DZIP1L: variants seen among roughly 807,000 people sequenced by gnomAD.
The protein encoded by DZIP1L is cilium assembly protein DZIP1L.
Under a neutral mutation model 88.7 loss-of-function variants are expected in DZIP1L, and 90 were observed. The observed-to-expected ratio is 1.02, with a 90% CI of 0.86 to 1.21. The LOEUF (loss-of-function observed/expected upper bound fraction) is 1.21, where lower values mean the gene tolerates loss of function less well. DZIP1L is among the 50% of genes most tolerant of loss of function. DZIP1L has a pLI of 0.00. For synonymous variants in DZIP1L, 363 were observed against 372.1 expected, an observed-to-expected ratio of 0.98 and a Z score of 0.28; for missense variants, 932 against 955.8, an observed-to-expected ratio of 0.98 and a Z score of 0.33.
intron 1 of DZIP1L, among the ~76,000 whole-genome samples, chr3:138,112,977 T>C (rs1418571482): frequency 6.6e-6 from 1 of 152,218 alleles, no homozygotes; most frequent in Non-Finnish European, 1.5e-5. Context: ...AATGACTCAC[T>C]GTCATTAGGA....
intron 5 of DZIP1L, among the ~76,000 whole-genome samples, chr3:138,090,439 G>A (rs1444627567): frequency 6.6e-6 from 1 of 152,212 alleles, no homozygotes; most frequent in Non-Finnish European, 1.5e-5. Flanking sequence ...TGGGAAGGAT[G>A]GGTGTGGAGC....
chr3:138,102,214 G>A (rs555388920), intron 2 of DZIP1L: 5 of 1,388,476 alleles, frequency 3.6e-6, no homozygotes, highest in Non-Finnish European at 5.1e-6. Context: ...TGGGACTGCA[G>A]CTCCCGGATC....
At chr3:138,098,353 T>A (rs557576469) in intron 2 of DZIP1L, among the ~76,000 whole-genome samples, 1 of 152,192 alleles carries the variant, frequency 6.6e-6, no homozygotes, top group Non-Finnish European at 1.5e-5. Flanking sequence ...AAATTTTCCA[T>A]AATAAAAAGT....
rs551242894 is a variant in DZIP1L at position 138,063,376 on chromosome 3, G to A, written c.2143-399C>T. On this transcript the variant is annotated intron_variant, in intron 15 of 15. Coordinates refer to ENST00000327532, the MANE Select transcript of DZIP1L (RefSeq NM_173543.3). This position sits in a 1 kb window ranked among gnomAD's most constrained non-coding sequence, Gnocchi z 4.1. Reference sequence around the variant, plus strand: ...TGAATGCACTGTGGGCTAATGACCCGCCTCCTCTCAGACAGGTTCCCTCAG... The same window carrying A: ...TGAATGCACTGTGGGCTAATGACCCACCTCCTCTCAGACAGGTTCCCTCAG... Among the ~76,000 whole-genome samples, 2 of 152,252 alleles carry A rather than the reference G, an allele frequency of 1.3e-5. No homozygotes were observed. Among genetic ancestry groups the A allele is most frequent in the South Asian group, 2.1e-4 (1 of 4,818 alleles).
At chr3:138,112,563 A>C (rs1424919334) in intron 1 of DZIP1L, 1 of 152,110 alleles carries the variant, frequency 6.6e-6, no homozygotes, top group Non-Finnish European at 1.5e-5. Context: ...GAAACCATAC[A>C]CCCCAGGGGC....
intron 8 of DZIP1L, among the ~76,000 whole-genome samples, chr3:138,083,904 G>T (rs371246613): frequency 6.6e-6 from 1 of 152,300 alleles, no homozygotes; most frequent in South Asian, 2.1e-4. Flanking sequence ...TCTGCCAGCA[G>T]CCCCTAAGGA....
intron 14 of DZIP1L, among the ~76,000 whole-genome samples, chr3:138,065,259 A>G (rs1942844256): frequency 1.3e-5 from 2 of 152,296 alleles, no homozygotes; most frequent in South Asian, 4.1e-4. Context: ...CTGGCACACC[A>G]AGGTAATGTA....
In DZIP1L at chr3:138,103,515, G is replaced by A; in HGVS notation, c.457C>T (p.Leu153=). The change falls in exon 2 of 16, where the codon CTG becomes TTG. Residue 153 remains leucine, a synonymous_variant. Coordinates refer to ENST00000327532, the MANE Select transcript of DZIP1L (RefSeq NM_173543.3). ...CCTGTCTGCATTAGCAGCTGCTGCA[G>A]GGTGCTGATCATCTTGCGACGCCGG... The part of the protein sequence containing the change: ...SRRRRKMIST[L]QQLLMQTGTH... 1.2e-6 allele frequency: 2 copies of A among 1,610,680 alleles called. No individual in the cohort carries two copies. Among genetic ancestry groups the A allele is most frequent in the Non-Finnish European group, 1.7e-6 (2 of 1,178,696 alleles).
chr3:138,092,723 C>T (rs540722570), intron 4 of DZIP1L, among the ~76,000 whole-genome samples, 179 bp from the exon 5 acceptor site: 4 of 152,350 alleles, frequency 2.6e-5, no homozygotes, highest in African/African-American at 9.6e-5. Flanking sequence ...AAGTCTGCTA[C>T]TTCTAAGCAT....
At chr3:138,084,502 A>G (rs1943832415) in intron 7 of DZIP1L, among the ~76,000 whole-genome samples, 1 of 152,256 alleles carries the variant, frequency 6.6e-6, no homozygotes, top group African/African-American at 2.4e-5. Context: ...ATTGAAGAAC[A>G]GTCAGATAAA....
intron 13 of DZIP1L, among the ~76,000 whole-genome samples, 179 bp downstream of exon 13, chr3:138,067,972 G>A (rs1942989465): frequency 6.6e-6 from 1 of 152,178 alleles, no homozygotes; most frequent in South Asian, 2.1e-4. Flanking sequence ...GTTTGTCTTG[G>A]CTGGGAGCAC....
At chr3:138,092,579 T>C in intron 4 of DZIP1L, 35 bp from the exon 5 acceptor site, 1 of 1,532,816 alleles carries the variant, frequency 6.5e-7, no homozygotes, top group Non-Finnish European at 8.7e-7. Flanking sequence ...TGATGATTAA[T>C]TCCACATTAC....
Position 138,071,844 on chromosome 3 carries a change from GACAGGAGTTCACCTTT to G in DZIP1L, c.1423-25_1423-10del. ...GAGATTCCCTTTGCATCCTAGAGGAGACAGGAGTTCACCTTTACAGAGAGAGGCTACCCTTCTTCTC... is the reference window on the plus strand; with the variant it reads ...GAGATTCCCTTTGCATCCTAGAGGAGACAGAGAGAGGCTACCCTTCTTCTC... On this transcript the variant is annotated splice_polypyrimidine_tract_variant and intron_variant, in intron 11 of 15. Coordinates refer to ENST00000327532, the MANE Select transcript of DZIP1L (RefSeq NM_173543.3). 1 of 1,607,876 alleles carries G rather than the reference GACAGGAGTTCACCTTT, an allele frequency of 6.2e-7. No individual in the cohort carries two copies. The highest frequency in any genetic ancestry group is 8.5e-7 in the Non-Finnish European group (1 of 1,177,348).
chr3:138,102,665 G>C lies in DZIP1L; in HGVS notation c.501+806C>G. 12 of 1,250,754 alleles carry C rather than the reference G, an allele frequency of 9.6e-6. No individual in the cohort carries two copies. In the South Asian group the frequency reaches 1.3e-4, roughly 14 times the overall value. The allele number at this position is 1,250,754 out of a possible 1,614,324, so 77.5% of individuals were successfully genotyped here. ...TCCTTCTCCTGGGTGCACATGGCCT[G>C]AATGTTGGGGTCCACCTCCAGGTTA... On this transcript the variant is annotated intron_variant, in intron 2 of 15. Coordinates refer to ENST00000327532, the MANE Select transcript of DZIP1L (RefSeq NM_173543.3).
At chr3:138,081,970 T>A (rs1186065962) in intron 8 of DZIP1L, 1 of 463,592 alleles carries the variant, frequency 2.2e-6, no homozygotes, top group Non-Finnish European at 3.8e-6. Context: ...GGCAGCATGC[T>A]CCATTTTCCA....
chr3:138,067,630 T>C lies in DZIP1L; in HGVS notation c.1903A>G (p.Lys635Glu). 2 of 1,611,376 alleles carry C rather than the reference T, an allele frequency of 1.2e-6. No homozygotes were observed. The highest frequency in any genetic ancestry group is 2.2e-5 in the East Asian group (1 of 44,574). ...RVQRVSLQPP[K>E]VPSRMVPRPK... Reference sequence around the variant, plus strand: ...CGGGGCACCATCCTGGAAGGAACTTTTGGGGGCTGTAGAGACACACGCTGC... The same window carrying C: ...CGGGGCACCATCCTGGAAGGAACTTCTGGGGGCTGTAGAGACACACGCTGC... The change falls in exon 14 of 16, where the codon AAA becomes GAA. Residue 635 changes from lysine (K) to glutamate (E), a missense_variant. Transcript: ENST00000327532.
At chr3:138,069,102 C>T in intron 12 of DZIP1L, 4 of 889,298 alleles carry the variant, frequency 4.5e-6, no homozygotes, top group Non-Finnish European at 6.9e-6. Flanking sequence ...CGTGGATTTT[C>T]TTCCGACTCT....
chr3:138,103,785 T>C lies in DZIP1L; in HGVS notation c.187A>G (p.Thr63Ala). ...ATLQENIAGI[T>A]FCNLDREVCS... Reference sequence around the variant, plus strand: ...ACCTCCCGGTCCAAGTTGCAGAAGGTGATGCCAGCAATATTCTCCTGCAGA... The same window carrying C: ...ACCTCCCGGTCCAAGTTGCAGAAGGCGATGCCAGCAATATTCTCCTGCAGA... The change falls in exon 2 of 16, where the codon ACC (threonine) becomes GCC (alanine). Residue 63 changes from threonine to alanine, a missense_variant. Coordinates refer to ENST00000327532, the MANE Select transcript of DZIP1L (RefSeq NM_173543.3). 1 of 1,614,056 alleles carries C rather than the reference T, an allele frequency of 6.2e-7. No homozygotes were observed. The highest frequency in any genetic ancestry group is 1.7e-5 in the Admixed American group (1 of 60,032).
Position 138,101,519 on chromosome 3 carries a change from C to T in DZIP1L, c.501+1952G>A, listed in dbSNP as rs1220594822. ...TCAGAGGACTCGGACACCAGCTTCC[C>T]ATCGCAAGTCTCTATCTTCTTCACA... On this transcript the variant is annotated intron_variant, in intron 2 of 15. Transcript: ENST00000327532. The T allele has an allele frequency of 3.2e-5, 25 of 793,574 alleles. No homozygotes were observed. The East Asian group carries it at 4.6e-4, about 15-fold the overall frequency. The allele number at this position is 793,574 out of a possible 1,614,324, so 49.2% of individuals were successfully genotyped here.
Sources: gnomAD v4.1 joint callset for allele counts (sites outside exome capture counted in the v4.1 genomes callset) on GRCh38, gnomAD v4.1.1 for gene constraint, Gnocchi (gnomAD v3.1) non-coding constraint, MANE v1.5 for transcripts, NCBI Gene and HGNC (gene_info 2026-07-23, HGNC 2026-07-21) for gene names.